ATRNL1: variants seen among roughly 807,000 people sequenced by gnomAD.
ATRNL1 encodes the protein attractin-like protein 1.
In ATRNL1, 95 loss-of-function variants were observed where a neutral mutation model predicts 182.7. That is an observed-to-expected ratio of 0.52 (90% CI 0.44 to 0.62). The LOEUF (loss-of-function observed/expected upper bound fraction) is 0.62, where lower values mean the gene tolerates loss of function less well. Among genes scored for constraint, ATRNL1 ranks in the 20% least tolerant of loss-of-function variants. The pLI, the probability that ATRNL1 is intolerant of heterozygous loss-of-function variation, is 0.00. For missense variants in ATRNL1, 1,471 were observed against 1,679.5 expected (o/e 0.88, Z 2.17); for synonymous variants, 576 against 568.3 (o/e 1.01, Z -0.19).
intron 20 of ATRNL1, among the ~76,000 whole-genome samples, chr10:115,409,968 A>G (rs1845051539): frequency 1.3e-5 from 2 of 152,100 alleles, no homozygotes; most frequent in Admixed American, 6.5e-5. Flanking sequence ...CTCTTTCTGC[A>G]TCTTTTGAGA....
chr10:115,237,336 T>C (rs1554901686), intron 9 of ATRNL1, among the ~76,000 whole-genome samples: 3 of 152,326 alleles, frequency 2.0e-5, no homozygotes, highest in African/African-American at 7.2e-5. Context: ...GCTGGCTGTA[T>C]CATTTTTCAT....
intron 25 of ATRNL1, among the ~76,000 whole-genome samples, chr10:115,544,526 C>G (rs1487686813): frequency 6.6e-6 from 1 of 152,080 alleles, no homozygotes; most frequent in Non-Finnish European, 1.5e-5. Flanking sequence ...AAAGCAGGAA[C>G]AAGCAAGAGA....
At chr10:115,102,533 C>T (rs774925323) in intron 1 of ATRNL1, among the ~76,000 whole-genome samples, 8 of 151,894 alleles carry the variant, frequency 5.3e-5, no homozygotes, top group East Asian at 1.9e-4. Context: ...AATCTCTGCT[C>T]GTCAGGTTCA....
intron 26 of ATRNL1, among the ~76,000 whole-genome samples, chr10:115,725,871 G>A (rs930830837): frequency 6.6e-6 from 1 of 152,020 alleles, no homozygotes; most frequent in Admixed American, 6.6e-5. Flanking sequence ...ATATAATTTT[G>A]AAGTTATATT....
chr10:115,334,708 A>G (rs1359739754), intron 19 of ATRNL1, among the ~76,000 whole-genome samples: 1 of 152,218 alleles, frequency 6.6e-6, no homozygotes, highest in Non-Finnish European at 1.5e-5. Flanking sequence ...CTATTCAAAA[A>G]TAATCATTGC....
At chr10:115,160,673 G>C (rs1184414626) in intron 6 of ATRNL1, among the ~76,000 whole-genome samples, 1 of 151,878 alleles carries the variant, frequency 6.6e-6, no homozygotes, top group Non-Finnish European at 1.5e-5. Context: ...AGAGATGATT[G>C]ATTTACTGTT....
chr10:115,790,680 A>T (rs1299449291), intron 27 of ATRNL1, among the ~76,000 whole-genome samples: 1 of 151,676 alleles, frequency 6.6e-6, no homozygotes, highest in Non-Finnish European at 1.5e-5. Context: ...GGTGTCAGAG[A>T]GATCTAGACC....
chr10:115,556,184 C>T (rs1853305061), intron 26 of ATRNL1, among the ~76,000 whole-genome samples: 2 of 152,026 alleles, frequency 1.3e-5, no homozygotes, highest in Admixed American at 1.3e-4. Flanking sequence ...TGATGTACCA[C>T]TTACGAAGAA....
intron 20 of ATRNL1, among the ~76,000 whole-genome samples, chr10:115,423,939 A>T (rs1414208858): frequency 6.6e-6 from 1 of 152,200 alleles, no homozygotes; most frequent in African/African-American, 2.4e-5. Flanking sequence ...ATGGGATTAC[A>T]TCAAAACAAA....
At chr10:115,808,070 C>T (rs1405157804) in intron 27 of ATRNL1, among the ~76,000 whole-genome samples, 10 of 152,066 alleles carry the variant, frequency 6.6e-5, no homozygotes, top group African/African-American at 2.2e-4. Context: ...TTTATCTTCG[C>T]TGTGTGTATT....
At chr10:115,892,155 G>A (rs781876850) in intron 28 of ATRNL1, among the ~76,000 whole-genome samples, 13 of 151,710 alleles carry the variant, frequency 8.6e-5, no homozygotes, top group South Asian at 4.2e-4. Context: ...TTTTTTTCTC[G>A]CCTCAGAAAG....
chr10:115,231,752 A>G (rs1347820468), intron 9 of ATRNL1, among the ~76,000 whole-genome samples: 1 of 152,148 alleles, frequency 6.6e-6, no homozygotes, highest in Non-Finnish European at 1.5e-5. Context: ...ATTTGAATAC[A>G]AATACAGGTA....
At chr10:115,411,696 G>C (rs1845149701) in intron 20 of ATRNL1, among the ~76,000 whole-genome samples, 1 of 151,980 alleles carries the variant, frequency 6.6e-6, no homozygotes, top group Non-Finnish European at 1.5e-5. Context: ...GATTTATGTT[G>C]TAAAGTATCA....
At chr10:115,860,879 G>A (rs1951301033) in intron 28 of ATRNL1, among the ~76,000 whole-genome samples, 1 of 152,150 alleles carries the variant, frequency 6.6e-6, no homozygotes, top group Non-Finnish European at 1.5e-5. Flanking sequence ...TCATGTGGTA[G>A]AAGGCAGTTT....
At chr10:115,877,128 C>T (rs1555107421) in intron 28 of ATRNL1, among the ~76,000 whole-genome samples, 1 of 152,176 alleles carries the variant, frequency 6.6e-6, no homozygotes, top group Non-Finnish European at 1.5e-5. Context: ...TTCCGGCTTT[C>T]TTAGAAGCAC....
At chr10:115,592,209 A>C (rs1405046204) in intron 26 of ATRNL1, among the ~76,000 whole-genome samples, 1 of 152,164 alleles carries the variant, frequency 6.6e-6, no homozygotes, top group Non-Finnish European at 1.5e-5. Context: ...TTGAAAAACT[A>C]TTGGGTACTG....
intron 10 of ATRNL1, among the ~76,000 whole-genome samples, chr10:115,264,513 T>C (rs1851524087): frequency 6.6e-6 from 1 of 151,616 alleles, no homozygotes; most frequent in African/African-American, 2.4e-5. Flanking sequence ...CACTGAATGA[T>C]GAATTATTTT....
In ATRNL1 at chr10:115,302,185, A is replaced by G. The variant is rs1176996051; in HGVS notation, c.2818+142A>G. The G allele has an allele frequency of 5.4e-6, 4 of 734,390 alleles. No individual in the cohort carries two copies. In the East Asian group the frequency reaches 1.1e-4, roughly 20 times the overall value. 45.5% of individuals were successfully genotyped at this position (734,390 alleles called of 1,614,324 possible). ...ACGGCTACTTTTGAAACCAACTGGT[A>G]CTGTTAACCTCTGATTTTTATTATA... On this transcript the variant is annotated intron_variant, in intron 17 of 28. Transcript: ENST00000355044.
intron 26 of ATRNL1, among the ~76,000 whole-genome samples, chr10:115,614,705 C>G (rs74161604): frequency 2.0e-5 from 3 of 151,050 alleles, no homozygotes; most frequent in Admixed American, 6.6e-5. Flanking sequence ...TGCTCCAGTG[C>G]GTGTGTGTGT....
Sources: gnomAD v4.1 joint callset for allele counts (sites outside exome capture counted in the v4.1 genomes callset) on GRCh38, gnomAD v4.1.1 for gene constraint, MANE v1.5 for transcripts, NCBI Gene and HGNC (gene_info 2026-07-23, HGNC 2026-07-21) for gene names.